The following SPTLC1 variants were observed in gnomAD, a reference collection of about 807,000 sequenced individuals.
SPTLC1 encodes the protein serine palmitoyltransferase long chain base subunit 1, also known as serine palmitoyltransferase 1.
In SPTLC1, 55 loss-of-function variants were observed where a neutral mutation model predicts 68.9. The ratio of observed to expected loss-of-function variants is 0.80; its 90% confidence interval spans 0.64 to 1.00. The LOEUF (loss-of-function observed/expected upper bound fraction) is 1.00. SPTLC1 is among the 50% of genes least tolerant of loss of function. SPTLC1 has a pLI of 0.00. For missense variants in SPTLC1, 449 were observed against 573.1 expected, an observed-to-expected ratio of 0.78 and a Z score of 2.21; for synonymous variants, 197 against 201.6, an observed-to-expected ratio of 0.98 and a Z score of 0.19.
chr9:92,052,943 T>C (rs1336670990), intron 8 of SPTLC1, among the ~76,000 whole-genome samples: 3 of 150,208 alleles, frequency 2.0e-5, no homozygotes, highest in African/African-American at 7.4e-5. Context: ...CAGTATCAAA[T>C]AAATGAAACA....
At chr9:92,080,589 A>G (rs910446914) in intron 4 of SPTLC1, among the ~76,000 whole-genome samples, 1 of 152,094 alleles carries the variant, frequency 6.6e-6, no homozygotes, top group Admixed American at 6.6e-5. Context: ...CCCAGGCTGG[A>G]GTGCAGTGGC....
intron 13 of SPTLC1, among the ~76,000 whole-genome samples, chr9:92,035,460 A>G (rs559743494): frequency 6.6e-6 from 1 of 152,362 alleles, no homozygotes; most frequent in South Asian, 2.1e-4. Flanking sequence ...ATCTGTCAAC[A>G]TTAAGAAAAA....
chr9:92,083,191 G>T (rs1351390056), intron 3 of SPTLC1, among the ~76,000 whole-genome samples: 4 of 152,048 alleles, frequency 2.6e-5, no homozygotes, highest in Non-Finnish European at 4.4e-5. Context: ...TTTGTAGGTT[G>T]CCTCTTCACT....
intron 3 of SPTLC1, among the ~76,000 whole-genome samples, chr9:92,091,737 A>G (rs1192495057): frequency 6.6e-6 from 1 of 152,242 alleles, no homozygotes; most frequent in Non-Finnish European, 1.5e-5. Context: ...ATCAAAATAA[A>G]TGTAAACAGA....
Position 92,099,896 on chromosome 9 carries a change from T to C in SPTLC1, c.260+8844A>G, listed in dbSNP as rs148838706. ...TGTATAGTTTGTGACCTAGGAGCAA[T>C]AGGCTATACCATATAGTCTAGGTGC... On this transcript the variant is annotated intron_variant, in intron 3 of 14. Coordinates refer to ENST00000262554, the MANE Select transcript of SPTLC1 (RefSeq NM_006415.4). Among the ~76,000 whole-genome samples, 243 of 152,294 alleles carry C rather than the reference T, an allele frequency of 1.6e-3. 2 individuals carry two copies. Among genetic ancestry groups the C allele is most frequent in the Middle Eastern group, 3.4e-3 (1 of 294 alleles).
At chr9:92,065,973 AG>A (rs1165239069) in intron 6 of SPTLC1, among the ~76,000 whole-genome samples, 16 of 152,304 alleles carry the variant, frequency 1.1e-4, no homozygotes, top group Middle Eastern at 3.4e-3. Flanking sequence ...GCAAGAGGCC[AG>A]TGCAGGGCTT....
chr9:92,049,948 A>G lies in SPTLC1; in HGVS notation c.888+12T>C, dbSNP rs749538402. 15 of 1,555,316 alleles carry G rather than the reference A, an allele frequency of 9.6e-6. No homozygotes were observed. In the Admixed American group the frequency reaches 1.0e-4, roughly 10 times the overall value. On this transcript the variant is annotated intron_variant, in intron 9 of 14. Transcript: ENST00000262554. The stretch of plus-strand genomic sequence containing the variant: ...ATAAGAGGGGAAACGTTCTTAAAAA[A>G]GGGGAACTTACATTGATTCCATAGT...
chr9:92,073,405 C>T (rs1587945726), intron 5 of SPTLC1, among the ~76,000 whole-genome samples: 1 of 152,222 alleles, frequency 6.6e-6, no homozygotes, highest in South Asian at 2.1e-4. Context: ...CCCAAAGGAC[C>T]TACCAGGCAG....
intron 3 of SPTLC1, among the ~76,000 whole-genome samples, chr9:92,087,241 C>T (rs1835179471): frequency 1.3e-5 from 2 of 152,240 alleles, no homozygotes; most frequent in Admixed American, 6.5e-5. Flanking sequence ...CTTCTCTCAA[C>T]TCGTCAAAGT....
intron 3 of SPTLC1, among the ~76,000 whole-genome samples, chr9:92,091,209 G>C (rs967361338): frequency 1.3e-5 from 2 of 152,160 alleles, no homozygotes; most frequent in Non-Finnish European, 2.9e-5. Flanking sequence ...ATATTCCTGG[G>C]AGCGGGACTT....
intron 3 of SPTLC1, among the ~76,000 whole-genome samples, chr9:92,082,242 A>C (rs1039043988): frequency 5.9e-5 from 9 of 151,742 alleles, no homozygotes; most frequent in Non-Finnish European, 1.3e-4. Context: ...ATTTTATTTT[A>C]TTTTATTATT....
At chr9:92,057,188 C>T (rs1290364464) in intron 7 of SPTLC1, among the ~76,000 whole-genome samples, 3 of 152,162 alleles carry the variant, frequency 2.0e-5, no homozygotes, top group Admixed American at 6.5e-5. Flanking sequence ...TAAATTATTT[C>T]GGATTACATG....
chr9:92,064,119 C>A (rs564969612), intron 6 of SPTLC1, among the ~76,000 whole-genome samples: 1 of 152,142 alleles, frequency 6.6e-6, no homozygotes, highest in Non-Finnish European at 1.5e-5. Flanking sequence ...AAAAACAGTT[C>A]CTAGAGCTAA....
At chr9:92,097,307 C>T (rs1309953968) in intron 3 of SPTLC1, among the ~76,000 whole-genome samples, 1 of 152,210 alleles carries the variant, frequency 6.6e-6, no homozygotes, top group African/African-American at 2.4e-5. Context: ...AGCAATCCTA[C>T]TCCTAGGTAT....
intron 12 of SPTLC1, among the ~76,000 whole-genome samples, chr9:92,042,472 A>C (rs1431118943): frequency 6.6e-6 from 1 of 152,208 alleles, no homozygotes; most frequent in East Asian, 1.9e-4. Flanking sequence ...AATCAGCAAT[A>C]ATCAAGTAGA....
At chr9:92,040,778 G>T (rs1415409905) in intron 12 of SPTLC1, among the ~76,000 whole-genome samples, 1 of 148,754 alleles carries the variant, frequency 6.7e-6, no homozygotes, top group Non-Finnish European at 1.5e-5. Flanking sequence ...AAAAAAAAAA[G>T]AAAAGAAATA....
intron 8 of SPTLC1, among the ~76,000 whole-genome samples, chr9:92,051,607 T>C (rs889352434): frequency 6.6e-6 from 1 of 152,208 alleles, no homozygotes; most frequent in African/African-American, 2.4e-5. Flanking sequence ...AACACTGTAG[T>C]CGAGGTCCTA....
intron 8 of SPTLC1, among the ~76,000 whole-genome samples, chr9:92,054,918 A>G (rs1013413283): frequency 1.5e-5 from 2 of 131,758 alleles, no homozygotes; most frequent in Non-Finnish European, 3.5e-5. Context: ...TGCGGGGGAG[A>G]AAAAAAAAGC....
At chr9:92,097,453 A>G (rs188778208) in intron 3 of SPTLC1, among the ~76,000 whole-genome samples, 2 of 152,280 alleles carry the variant, frequency 1.3e-5, no homozygotes, top group East Asian at 3.8e-4. Context: ...TGATTAATGT[A>G]TAAACAAAAT....
Sources: allele counts gnomAD v4.1 joint callset (sites outside exome capture counted in the v4.1 genomes callset), GRCh38; gene constraint gnomAD v4.1.1; transcripts MANE v1.5; gene names NCBI Gene and HGNC (gene_info 2026-07-23, HGNC 2026-07-21).